The following CDKL4 variants were observed in gnomAD, a reference collection of about 807,000 sequenced individuals.
CDKL4 encodes cyclin-dependent kinase-like 4.
In CDKL4, 44 loss-of-function variants were observed where a neutral mutation model predicts 42.0. That is an observed-to-expected ratio of 1.05 (90% CI 0.82 to 1.35). The LOEUF is 1.35. Among genes scored for constraint, CDKL4 ranks in the 40% most tolerant of loss-of-function variants. The pLI, the probability that CDKL4 is intolerant of heterozygous loss-of-function variation, is 0.00. For missense variants in CDKL4, 393 were observed against 369.9 expected, an observed-to-expected ratio of 1.06 and a Z score of -0.51; for synonymous variants, 120 against 121.6, an observed-to-expected ratio of 0.99 and a Z score of 0.09.
At chr2:39,203,848 C>G (rs1247476735) in intron 5 of CDKL4, among the ~76,000 whole-genome samples, 1 of 152,194 alleles carries the variant, frequency 6.6e-6, no homozygotes, top group African/African-American at 2.4e-5. Context: ...CCTCAGAAAG[C>G]CTTGATCGGG....
At chr2:39,229,282 ATAACTT>A (rs1306139180) in intron 2 of CDKL4, 77 bp downstream of exon 2, 1 of 1,037,444 alleles carries the variant, frequency 9.6e-7, no homozygotes, top group Non-Finnish European at 1.4e-6. Flanking sequence ...TGGGGGGAAA[ATAACTT>A]TAAAATTCTT....
chr2:39,215,078 G>A (rs1208833831), intron 3 of CDKL4, among the ~76,000 whole-genome samples: 1 of 152,118 alleles, frequency 6.6e-6, no homozygotes, highest in Non-Finnish European at 1.5e-5. Context: ...CCTTTCTGAG[G>A]AAGGTTATAC....
chr2:39,186,931 A>C (rs1039644535), intron 7 of CDKL4, among the ~76,000 whole-genome samples: 1 of 152,214 alleles, frequency 6.6e-6, no homozygotes, highest in African/African-American at 2.4e-5. Context: ...AAACATTTAA[A>C]GCATTTTTCC....
chr2:39,240,778 A>G (rs1359711182), intron 1 of CDKL4, among the ~76,000 whole-genome samples: 1 of 152,134 alleles, frequency 6.6e-6, no homozygotes, highest in African/African-American at 2.4e-5. Flanking sequence ...TAATTCCATT[A>G]CAGGAAATTT....
At chr2:39,172,763 G>A (rs571088013), downstream of CDKL4, among the ~76,000 whole-genome samples, 9 of 152,038 alleles carry the variant, frequency 5.9e-5, no homozygotes, top group Non-Finnish European at 1.3e-4. Flanking sequence ...TGTATTTTGA[G>A]TAGAGATGGG....
chr2:39,219,138 A>G (rs933426158), intron 3 of CDKL4, among the ~76,000 whole-genome samples: 7 of 152,226 alleles, frequency 4.6e-5, no homozygotes, highest in African/African-American at 1.2e-4. Flanking sequence ...TAGGAGCTCA[A>G]TTAAGCTTGT....
rs1558547320 is a variant in CDKL4 at position 39,185,375 on chromosome 2, TATGTATATATAC to T, written c.736-740_736-729del. ...ATGTATATATACATATATATATACA[TATGTATATATAC>T]ATGTATATATACATATGTGTATATA... On this transcript the variant is annotated intron_variant, in intron 7 of 9. Coordinates refer to ENST00000451199, the Ensembl canonical transcript of CDKL4. 7.6e-4 allele frequency among the ~76,000 whole-genome samples: 42 copies of T among 55,408 alleles called. 7 individuals carry two copies. The highest frequency in any genetic ancestry group is 2.7e-3 in the South Asian group (5 of 1,840). The allele number at this position is 55,408 out of a possible 152,430, so 36.3% of individuals were successfully genotyped here. A position where few individuals can be genotyped will look rare whatever the true frequency, so the allele number is the denominator to read the frequency against.
At chr2:39,229,678 G>T in intron 1 of CDKL4, 90 bp from the exon 2 acceptor site, 1 of 515,932 alleles carries the variant, frequency 1.9e-6, no homozygotes, top group South Asian at 3.9e-5. Flanking sequence ...CATGCCAAAG[G>T]TTTATATTCA....
intron 1 of CDKL4, among the ~76,000 whole-genome samples, chr2:39,230,759 G>A (rs1027374103): frequency 6.6e-6 from 1 of 152,126 alleles, no homozygotes; most frequent in Non-Finnish European, 1.5e-5. Flanking sequence ...CATAGAATGT[G>A]CACAAATATT....
At chr2:39,212,056 C>T (rs1677615506) in intron 4 of CDKL4, among the ~76,000 whole-genome samples, 1 of 151,966 alleles carries the variant, frequency 6.6e-6, no homozygotes, top group Admixed American at 6.6e-5. Flanking sequence ...GTTCTTGAAC[C>T]AACAGCTTCA....
intron 3 of CDKL4, among the ~76,000 whole-genome samples, chr2:39,222,336 T>A (rs914441378): frequency 1.3e-5 from 2 of 152,174 alleles, no homozygotes; most frequent in African/African-American, 4.8e-5. Context: ...ATGCCTGTAA[T>A]CCTAGCACTT....
chr2:39,226,457 T>TATATATATA (rs1472690621), intron 2 of CDKL4, among the ~76,000 whole-genome samples: 1 of 133,468 alleles, frequency 7.5e-6, no homozygotes, highest in East Asian at 2.0e-4. Context: ...ATATATATAT[T>TATATATATA]ATATATATTA....
chr2:39,170,698 G>C (rs992359709), downstream of CDKL4, among the ~76,000 whole-genome samples: 16 of 151,930 alleles, frequency 1.1e-4, 1 homozygote, highest in Middle Eastern at 3.4e-3. Context: ...CTCATGATCT[G>C]CCCACCTCAG....
At position 39,192,243 on chromosome 2, in the gene CDKL4, A is replaced by G. The variant is rs1288452425; in HGVS notation, c.455-1741T>C. Among the ~76,000 whole-genome samples, 3 of 152,214 alleles carry G rather than the reference A, an allele frequency of 2.0e-5. No individual in the cohort carries two copies. The East Asian group carries it at 5.8e-4, about 29-fold the overall frequency. On this transcript the variant is annotated intron_variant, in intron 5 of 9. Transcript: ENST00000451199. The stretch of plus-strand genomic sequence containing the variant: ...ATATATGCTCACTGCAGAGAACATG[A>G]AAAAATACATAAGGAAACAGAAAGA...
downstream of CDKL4, among the ~76,000 whole-genome samples, chr2:39,170,880 G>A (rs565610510): frequency 1.8e-4 from 28 of 152,222 alleles, no homozygotes; most frequent in Non-Finnish European, 3.5e-4. Context: ...ATCAATGGTG[G>A]TGACAAATGA....
At chr2:39,242,328 G>C (rs1187200155) in intron 1 of CDKL4, among the ~76,000 whole-genome samples, 1 of 152,194 alleles carries the variant, frequency 6.6e-6, no homozygotes, top group African/African-American at 2.4e-5. Flanking sequence ...TTACTGGCAT[G>C]AGCCACCCAT....
intron 5 of CDKL4, among the ~76,000 whole-genome samples, chr2:39,202,637 T>G (rs1389085304): frequency 2.4e-5 from 2 of 84,580 alleles, no homozygotes; most frequent in African/African-American, 4.0e-5. Flanking sequence ...TTGTCTATGT[T>G]TTCTTTTAAG....
Position 39,233,846 on chromosome 2 carries a change from T to G in CDKL4, c.-56-4258A>C, listed in dbSNP as rs534433542. On this transcript the variant is annotated intron_variant, in intron 1 of 9. Coordinates refer to ENST00000451199, the Ensembl canonical transcript of CDKL4. ...GAAAAAGCCACAATGAATCAGATAT[T>G]CAAATCACAAGTGGACAAAAATTAT... 7.3e-5 allele frequency among the ~76,000 whole-genome samples: 11 copies of G among 149,708 alleles called. No homozygotes were observed. In the South Asian group the frequency reaches 2.3e-3, roughly 31 times the overall value.
At chr2:39,226,468 T>TATATATTATATATATA (rs1558580622) in intron 2 of CDKL4, among the ~76,000 whole-genome samples, 2 of 101,996 alleles carry the variant, frequency 2.0e-5, no homozygotes, top group Admixed American at 2.0e-4. Flanking sequence ...ATATATATTA[T>TATATATTATATATATA]ATATATATAA....
Sources: gnomAD v4.1 joint callset for allele counts (sites outside exome capture counted in the v4.1 genomes callset) on GRCh38, gnomAD v4.1.1 for gene constraint, MANE v1.5 for transcripts, NCBI Gene and HGNC (gene_info 2026-07-23, HGNC 2026-07-21) for gene names.